Variants in GRID1 observed in about 807,000 individuals in gnomAD.
The protein encoded by GRID1 is glutamate receptor ionotropic, delta-1.
GRID1 carries 28 observed loss-of-function variants against 98.0 expected under a neutral mutation model. The observed-to-expected ratio is 0.29, with a 90% CI of 0.21 to 0.39. GRID1 has a LOEUF of 0.39. Ranked by LOEUF, GRID1 falls within the 10% of genes least tolerant of loss-of-function variation. The probability of loss-of-function intolerance (pLI) is 1.00; values close to 1 mark genes in which losing one functional copy is unlikely to be tolerated. For synonymous variants in GRID1, 553 were observed against 538.5 expected, an observed-to-expected ratio of 1.03 and a Z score of -0.37; for missense variants, 1,111 against 1,340.5, an observed-to-expected ratio of 0.83 and a Z score of 2.67.
chr10:85,878,424 A>G (rs1047531820), intron 5 of GRID1, among the ~76,000 whole-genome samples: 4 of 152,204 alleles, frequency 2.6e-5, no homozygotes, highest in African/African-American at 4.8e-5. Context: ...CAGATCTCTC[A>G]GCAGAAACTC....
chr10:86,177,529 G>T (rs1191502966), intron 3 of GRID1, among the ~76,000 whole-genome samples: 2 of 152,162 alleles, frequency 1.3e-5, no homozygotes, highest in African/African-American at 4.8e-5. Context: ...ATTTTGGTGT[G>T]TGTGTGCATG....
At chr10:85,937,274 C>T (rs930385317) in intron 4 of GRID1, among the ~76,000 whole-genome samples, 10 of 152,242 alleles carry the variant, frequency 6.6e-5, no homozygotes, top group African/African-American at 2.2e-4. Context: ...GATGTGAAAA[C>T]TTCCCAGTCT....
At chr10:86,220,676 G>A (rs1394390702) in intron 2 of GRID1, among the ~76,000 whole-genome samples, 1 of 152,204 alleles carries the variant, frequency 6.6e-6, no homozygotes, top group East Asian at 1.9e-4. Flanking sequence ...GGTGAGGGGT[G>A]AGGGGTGCCA....
At chr10:86,328,010 G>T (rs1468601139) in intron 2 of GRID1, among the ~76,000 whole-genome samples, 2 of 42,650 alleles carry the variant, frequency 4.7e-5, no homozygotes, top group Non-Finnish European at 1.3e-4. Flanking sequence ...ATCTATTAAG[G>T]GGGGGTATCT....
intron 4 of GRID1, among the ~76,000 whole-genome samples, chr10:86,129,372 C>A (rs1466515205): frequency 6.6e-6 from 1 of 152,202 alleles, no homozygotes; most frequent in East Asian, 1.9e-4. Context: ...CCCAACAGCA[C>A]ATAGTAGAAA....
intron 4 of GRID1, among the ~76,000 whole-genome samples, chr10:85,937,242 A>G (rs995897843): frequency 1.3e-5 from 2 of 152,256 alleles, no homozygotes; most frequent in Non-Finnish European, 2.9e-5. Context: ...GATGCTAAAG[A>G]TAAAGATGGC....
At chr10:85,615,144 A>G (rs1236655337) in intron 14 of GRID1, among the ~76,000 whole-genome samples, 1 of 152,150 alleles carries the variant, frequency 6.6e-6, no homozygotes, top group Non-Finnish European at 1.5e-5. Context: ...ATTCCCACAC[A>G]TGGGCTTGTG....
At chr10:85,988,117 C>T (rs1010602120) in intron 4 of GRID1, among the ~76,000 whole-genome samples, 9 of 152,170 alleles carry the variant, frequency 5.9e-5, no homozygotes, top group African/African-American at 2.2e-4. Context: ...CCTCACAACT[C>T]AGCTCAAGTG....
Position 86,352,541 on chromosome 10 carries a change from A to G in GRID1, c.235+11400T>C, listed in dbSNP as rs985320453. Among the ~76,000 whole-genome samples, 3 of 152,036 alleles carry G rather than the reference A, an allele frequency of 2.0e-5. No homozygotes were observed. The South Asian group carries it at 6.2e-4, about 32-fold the overall frequency. On this transcript the variant is annotated intron_variant, in intron 2 of 15. Transcript: ENST00000327946. ...CTGCCTTCTTGCTGCATCCTCACAC[A>G]GCAGAGAGACACAGCAAGCTCTCCG... is the stretch of plus-strand genomic sequence containing the variant.
At chr10:85,702,114 G>A (rs1841458360) in intron 12 of GRID1, among the ~76,000 whole-genome samples, 1 of 152,074 alleles carries the variant, frequency 6.6e-6, no homozygotes, top group Non-Finnish European at 1.5e-5. Context: ...AAAAGCATAT[G>A]CTAAGGAAAA....
chr10:85,635,860 G>T (rs1489632921), intron 13 of GRID1, among the ~76,000 whole-genome samples: 1 of 152,270 alleles, frequency 6.6e-6, no homozygotes, highest in African/African-American at 2.4e-5. Context: ...GCTCCAAGCA[G>T]TGTGGGGGAG....
chr10:86,286,292 A>T (rs1847430203), intron 2 of GRID1, among the ~76,000 whole-genome samples: 1 of 152,188 alleles, frequency 6.6e-6, no homozygotes, highest in African/African-American at 2.4e-5. Context: ...GTGAGCCTGG[A>T]CCAACCCAGC....
intron 2 of GRID1, among the ~76,000 whole-genome samples, chr10:86,346,921 A>G (rs1848392219): frequency 6.6e-6 from 1 of 152,186 alleles, no homozygotes; most frequent in African/African-American, 2.4e-5. Flanking sequence ...GAAACCAGGT[A>G]CAAGAGCATA....
intron 4 of GRID1, among the ~76,000 whole-genome samples, chr10:85,939,423 T>A (rs1232596832): frequency 1.3e-5 from 2 of 152,214 alleles, no homozygotes; most frequent in Non-Finnish European, 2.9e-5. Context: ...CTCACTAAGC[T>A]AAAATCAAGG....
chr10:85,870,534 C>T lies in GRID1; in HGVS notation c.781-1354G>A, dbSNP rs116929644. On this transcript the variant is annotated intron_variant, in intron 5 of 15. Transcript: ENST00000327946. ...GTCCTATCCCTCTAGAGAACCCTGA[C>T]TAATACAGATTTTGTTTCTGGCTAA... Among the ~76,000 whole-genome samples the T allele has an allele frequency of 5.3e-3, 801 of 152,348 alleles. 15 individuals are homozygous for T. The highest frequency in any genetic ancestry group is 0.041 in the Admixed American group (621 of 15,306).
At chr10:85,878,133 T>C (rs560830698) in intron 5 of GRID1, among the ~76,000 whole-genome samples, 1 of 152,276 alleles carries the variant, frequency 6.6e-6, no homozygotes, top group East Asian at 1.9e-4. Context: ...AAAGACCAAA[T>C]CTACGTCTGA....
intron 2 of GRID1, among the ~76,000 whole-genome samples, chr10:86,315,360 A>G (rs1249715736): frequency 6.6e-6 from 1 of 152,144 alleles, no homozygotes. Flanking sequence ...ACCCCAGGCA[A>G]GGAGGGCTGA....
At chr10:86,068,395 TC>T (rs1843750287) in intron 4 of GRID1, among the ~76,000 whole-genome samples, 1 of 151,916 alleles carries the variant, frequency 6.6e-6, no homozygotes, top group Non-Finnish European at 1.5e-5. Context: ...AGAGAAAACT[TC>T]CCCCCACTGA....
chr10:86,256,161 T>C (rs920050605), intron 2 of GRID1, among the ~76,000 whole-genome samples: 8 of 152,194 alleles, frequency 5.3e-5, no homozygotes, highest in African/African-American at 1.9e-4. Flanking sequence ...CATGGGCCCC[T>C]ACCCAATAGC....
Sources: gnomAD v4.1 joint callset for allele counts (sites outside exome capture counted in the v4.1 genomes callset) on GRCh38, gnomAD v4.1.1 for gene constraint, MANE v1.5 for transcripts, NCBI Gene and HGNC (gene_info 2026-07-23, HGNC 2026-07-21) for gene names.